BMP2K: variants seen among roughly 807,000 people sequenced by gnomAD.
BMP2K encodes BMP-2-inducible protein kinase.
Under a neutral mutation model 116.0 loss-of-function variants are expected in BMP2K, and 74 were observed. The observed-to-expected ratio is 0.64, with a 90% CI of 0.53 to 0.77. The LOEUF (loss-of-function observed/expected upper bound fraction) is 0.77. BMP2K is among the 30% of genes least tolerant of loss of function. The probability of loss-of-function intolerance (pLI) is 0.00; values close to 1 mark genes in which losing one functional copy is unlikely to be tolerated. For synonymous variants in BMP2K, 486 were observed against 502.5 expected (o/e 0.97, Z 0.44); for missense variants, 1,365 against 1,403.6 (o/e 0.97, Z 0.44).
Position 78,865,661 on chromosome 4 carries a change from G to A in BMP2K, c.1172G>A (p.Ser391Asn), listed in dbSNP as rs1280309414. 1 of 1,614,088 alleles carries A rather than the reference G, an allele frequency of 6.2e-7. No individual in the cohort carries two copies. Among genetic ancestry groups the A allele is most frequent in the Non-Finnish European group, 8.5e-7 (1 of 1,179,996 alleles). Residue 391 changes from serine to asparagine, a missense_variant, in exon 10 of 16, where the codon AGT becomes AAT. By Grantham distance (46) the Ser-to-Asn change is conservative (BLOSUM62 1). Transcript: ENST00000502613. ...ACTCCCAGTGTGCTGACCATTCAAA[G>A]TTCAGCAACACCTGTTAAAGTCCTT... is the stretch of plus-strand genomic sequence containing the variant. The part of the protein sequence containing the change: ...TATPSVLTIQ[S>N]SATPVKVLAP...
chr4:78,781,211 G>T (rs1010321994), intron 1 of BMP2K, among the ~76,000 whole-genome samples: 1 of 152,172 alleles, frequency 6.6e-6, no homozygotes, highest in African/African-American at 2.4e-5. Context: ...TTGAATTGGG[G>T]CAGTGACATG....
Position 78,872,685 on chromosome 4 carries a change from A to G in BMP2K, c.1680A>G (p.Ala560=). 6.2e-7 allele frequency: 1 copy of G among 1,614,164 alleles called. No individual in the cohort carries two copies. Among genetic ancestry groups the G allele is most frequent in the Non-Finnish European group, 8.5e-7 (1 of 1,179,998 alleles). ...AACATCAGCCGTCTCAACAACAGGC[A>G]TCACCTGAATATCTTACCTCCCCTC... ...LAQHQPSQQQ[A]SPEYLTSPQE... Residue 560 remains alanine (A), a synonymous_variant, in exon 13 of 16, where the codon GCA becomes GCG. Coordinates refer to ENST00000502613, the MANE Select transcript of BMP2K (RefSeq NM_198892.2).
intron 13 of BMP2K, among the ~76,000 whole-genome samples, chr4:78,874,175 T>TCACACA (rs148882911): frequency 0.011 from 1,595 of 148,388 alleles, 27 homozygotes; most frequent in African/African-American, 0.035. Context: ...AGACTCCATC[T>TCACACA]CACACACACA....
intron 15 of BMP2K, among the ~76,000 whole-genome samples, chr4:78,890,272 A>T (rs1213708850): frequency 6.6e-6 from 1 of 151,978 alleles, no homozygotes. Context: ...TTAATATATC[A>T]TGCTAATTAT....
At chr4:78,779,501 T>C (rs1350061026) in intron 1 of BMP2K, among the ~76,000 whole-genome samples, 3 of 152,226 alleles carry the variant, frequency 2.0e-5, no homozygotes, top group Non-Finnish European at 4.4e-5. Flanking sequence ...AGGACACTTG[T>C]TTACACTATG....
intron 14 of BMP2K, among the ~76,000 whole-genome samples, chr4:78,881,710 C>CT (rs1250489510): frequency 6.6e-6 from 1 of 151,926 alleles, no homozygotes; most frequent in Admixed American, 6.6e-5. Context: ...TATTAGAAGA[C>CT]TAATTGTTCA....
intron 9 of BMP2K, among the ~76,000 whole-genome samples, chr4:78,861,972 T>A (rs896520315): frequency 6.6e-6 from 1 of 151,952 alleles, no homozygotes; most frequent in African/African-American, 2.4e-5. Context: ...TAATAATAAG[T>A]TTGAACTATA....
intron 13 of BMP2K, 117 bp from the exon 14 acceptor site, chr4:78,878,617 T>A: frequency 2.3e-6 from 2 of 853,364 alleles, no homozygotes; most frequent in Non-Finnish European, 3.6e-6. Context: ...ATCTCTGTCA[T>A]AAGGAAATGA....
At chr4:78,909,243 G>A (rs1361058645) in intron 15 of BMP2K, among the ~76,000 whole-genome samples, 8 of 151,506 alleles carry the variant, frequency 5.3e-5, no homozygotes, top group Admixed American at 2.6e-4. Flanking sequence ...TCACCATGTT[G>A]GCCAGGCTGG....
chr4:78,901,017 A>T (rs1289099068), intron 15 of BMP2K, among the ~76,000 whole-genome samples: 3 of 152,148 alleles, frequency 2.0e-5, no homozygotes, highest in African/African-American at 7.2e-5. Context: ...ATCACAGATT[A>T]ACCATTTGAT....
At chr4:78,876,754 T>G (rs143682807) in intron 13 of BMP2K, among the ~76,000 whole-genome samples, 1 of 152,350 alleles carries the variant, frequency 6.6e-6, no homozygotes, top group African/African-American at 2.4e-5. Flanking sequence ...TTTCTTACAT[T>G]GTCTCGTTCT....
chr4:78,789,829 G>A (rs1457517663), intron 1 of BMP2K, among the ~76,000 whole-genome samples: 1 of 152,184 alleles, frequency 6.6e-6, no homozygotes, highest in Non-Finnish European at 1.5e-5. Context: ...ATTCAGCATA[G>A]CAACACGGAG....
At chr4:78,807,058 G>T (rs996512294) in intron 1 of BMP2K, among the ~76,000 whole-genome samples, 5 of 151,640 alleles carry the variant, frequency 3.3e-5, no homozygotes, top group African/African-American at 9.7e-5. Context: ...AGCCATGTTG[G>T]CCAGGCTGGT....
chr4:78,826,190 G>T (rs1224298844), intron 2 of BMP2K, 35 bp downstream of exon 2: 1 of 1,546,544 alleles, frequency 6.5e-7, no homozygotes, highest in South Asian at 1.1e-5. Flanking sequence ...CAGAAATTTT[G>T]CAAGTTTTTA....
chr4:78,776,929 CT>C (rs1727279263), intron 1 of BMP2K, among the ~76,000 whole-genome samples: 1 of 152,130 alleles, frequency 6.6e-6, no homozygotes, highest in African/African-American at 2.4e-5. Flanking sequence ...GTGCACAGTT[CT>C]CTCATGCCTA....
chr4:78,846,307 C>G (rs897613044), intron 5 of BMP2K, among the ~76,000 whole-genome samples: 1 of 151,558 alleles, frequency 6.6e-6, no homozygotes, highest in African/African-American at 2.4e-5. Context: ...AATAAAAATC[C>G]TGTTTTGGTG....
At chr4:78,851,187 A>C in intron 7 of BMP2K, 131 bp downstream of exon 7, 1 of 947,756 alleles carries the variant, frequency 1.1e-6, no homozygotes. Flanking sequence ...TAAAGAAAAA[A>C]ACATTTAAAA....
At chr4:78,840,269 CATTTT>C (rs1434903766) in intron 3 of BMP2K, among the ~76,000 whole-genome samples, 15 of 152,122 alleles carry the variant, frequency 9.9e-5, no homozygotes, top group Non-Finnish European at 1.8e-4. Context: ...GTAGGCATCT[CATTTT>C]ATTTTATTTT....
intron 1 of BMP2K, among the ~76,000 whole-genome samples, chr4:78,815,354 A>G (rs1448382820): frequency 6.6e-6 from 1 of 152,206 alleles, no homozygotes; most frequent in Admixed American, 6.5e-5. Flanking sequence ...AAGGTATAGC[A>G]TGAAGCCTGG....
Sources: allele counts gnomAD v4.1 joint callset (sites outside exome capture counted in the v4.1 genomes callset), GRCh38; gene constraint gnomAD v4.1.1; transcripts MANE v1.5; gene names NCBI Gene and HGNC (gene_info 2026-07-23, HGNC 2026-07-21).